Variants in TNS3 observed in about 807,000 individuals in gnomAD.
The protein encoded by TNS3 is tensin-3.
TNS3 carries 45 observed loss-of-function variants against 140.9 expected under a neutral mutation model. That is an observed-to-expected ratio of 0.32 (90% CI 0.25 to 0.41). The LOEUF (loss-of-function observed/expected upper bound fraction) is 0.41. Among genes scored for constraint, TNS3 ranks in the 10% least tolerant of loss-of-function variants. The pLI, the probability that TNS3 is intolerant of heterozygous loss-of-function variation, is 1.00. For missense variants in TNS3, 1,716 were observed against 1,906.7 expected, an observed-to-expected ratio of 0.90 and a Z score of 1.86; for synonymous variants, 815 against 788.4, an observed-to-expected ratio of 1.03 and a Z score of -0.56.
At chr7:47,445,379 T>A (rs1795677891) in intron 4 of TNS3, among the ~76,000 whole-genome samples, 1 of 152,164 alleles carries the variant, frequency 6.6e-6, no homozygotes, top group South Asian at 2.1e-4. Context: ...GGGATGGTGA[T>A]GAGGAAATGA....
chr7:47,446,508 C>G lies in TNS3; in HGVS notation c.-75-4453G>C, dbSNP rs193003319. Among the ~76,000 whole-genome samples the G allele has an allele frequency of 9.3e-3, 1,413 of 152,154 alleles. 14 individuals carry two copies. Among genetic ancestry groups the G allele is most frequent in the Non-Finnish European group, 0.013 (913 of 68,010 alleles). ...GGGTGAAAAAACCCAGACAGCAAAG[C>G]CTCCCACCCAGCCTCTGCCCAGCCC... On this transcript the variant is annotated intron_variant, in intron 4 of 30. Coordinates refer to ENST00000311160, the MANE Select transcript of TNS3 (RefSeq NM_022748.12).
rs1792321595 is a variant in TNS3 at position 47,389,097 on chromosome 7, AGG to A, written c.1024+7701_1024+7702del. Among the ~76,000 whole-genome samples, 8 of 55,688 alleles carry A rather than the reference AGG, an allele frequency of 1.4e-4. 1 individual carries two copies. Among genetic ancestry groups the A allele is most frequent in the African/African-American group, 6.8e-4 (7 of 10,282 alleles). 36.5% of individuals were successfully genotyped at this position (55,688 alleles called of 152,430 possible). ...GAAGAAGAAGAAGAGGAAGAGGAAG[AGG>A]AAGCGGAAGCAGAAGAAGAAGAAGA... is the stretch of plus-strand genomic sequence containing the variant. On this transcript the variant is annotated intron_variant, in intron 16 of 30. Transcript: ENST00000311160.
intron 4 of TNS3, chr7:47,470,742 T>C (rs1179630351): frequency 1.3e-6 from 1 of 752,736 alleles, no homozygotes; most frequent in Admixed American, 6.3e-5. Context: ...TTTTAATCAT[T>C]AGCCAAGGCT....
At position 47,422,632 on chromosome 7, in the gene TNS3, GA is replaced by G. The variant is rs557302027; in HGVS notation, c.473+1468del. 1.1e-3 allele frequency among the ~76,000 whole-genome samples: 125 copies of G among 118,268 alleles called. 1 individual carries two copies. The highest frequency in any genetic ancestry group is 8.5e-3 in the Middle Eastern group (2 of 234). 77.6% of individuals were successfully genotyped at this position (118,268 alleles called of 152,430 possible). ...TGTTTCAAAAAAAGAAAAAAGAAAA[GA>G]AAAAAAAAATGAAGAGATATCTTCC... On this transcript the variant is annotated intron_variant, in intron 10 of 30. Transcript: ENST00000311160.
intron 16 of TNS3, among the ~76,000 whole-genome samples, chr7:47,394,084 T>C (rs1792686508): frequency 6.6e-6 from 1 of 152,144 alleles, no homozygotes; most frequent in African/African-American, 2.4e-5. Context: ...GCATGAAAAA[T>C]ACACCAATGG....
At chr7:47,378,757 A>G (rs1331481033) in intron 16 of TNS3, among the ~76,000 whole-genome samples, 3 of 152,176 alleles carry the variant, frequency 2.0e-5, no homozygotes, top group Non-Finnish European at 4.4e-5. Context: ...GGGGAGGGCT[A>G]AGGGTTTTCT....
At chr7:47,511,088 A>G (rs1019011892) in intron 2 of TNS3, among the ~76,000 whole-genome samples, 18 of 152,370 alleles carry the variant, frequency 1.2e-4, no homozygotes, top group African/African-American at 4.1e-4. Flanking sequence ...TTGGTGTGCA[A>G]GACAGGCCAG....
chr7:47,361,381 C>G (rs1790320696), intron 17 of TNS3, among the ~76,000 whole-genome samples: 1 of 152,016 alleles, frequency 6.6e-6, no homozygotes, highest in African/African-American at 2.4e-5. Flanking sequence ...ATGCTTTCTC[C>G]CGGTCTGCCT....
At chr7:47,311,457 G>T (rs942818896) in intron 20 of TNS3, among the ~76,000 whole-genome samples, 19 of 151,862 alleles carry the variant, frequency 1.3e-4, no homozygotes, top group African/African-American at 4.4e-4. Flanking sequence ...TATATATAGA[G>T]AGAGAGAGAG....
chr7:47,497,619 A>G (rs1172422784), intron 3 of TNS3, among the ~76,000 whole-genome samples: 1 of 151,370 alleles, frequency 6.6e-6, no homozygotes. Context: ...GAGGCCAGGC[A>G]AGAGAAAATA....
intron 15 of TNS3, among the ~76,000 whole-genome samples, chr7:47,397,892 T>C (rs1210197471): frequency 6.6e-6 from 1 of 152,164 alleles, no homozygotes; most frequent in Non-Finnish European, 1.5e-5. Flanking sequence ...AACAAAAAGC[T>C]GGTATTTTGA....
At chr7:47,564,633 C>A (rs1800385980) in intron 1 of TNS3, among the ~76,000 whole-genome samples, 4 of 19,858 alleles carry the variant, frequency 2.0e-4, no homozygotes, top group Non-Finnish European at 2.1e-4. Flanking sequence ...AAGACTCCGT[C>A]TCAAAAAAAA....
At chr7:47,460,933 T>C (rs1417114516) in intron 4 of TNS3, among the ~76,000 whole-genome samples, 1 of 152,214 alleles carries the variant, frequency 6.6e-6, no homozygotes, top group Non-Finnish European at 1.5e-5. Context: ...CCAGAGAGGT[T>C]TTATGTGCAT....
chr7:47,549,452 G>A (rs200736228), intron 1 of TNS3, among the ~76,000 whole-genome samples: 23 of 152,066 alleles, frequency 1.5e-4, no homozygotes, highest in Middle Eastern at 3.4e-3. Context: ...CTGAGATCAC[G>A]CCACTGCACT....
intron 26 of TNS3, among the ~76,000 whole-genome samples, chr7:47,292,570 C>G (rs1167406302): frequency 6.6e-6 from 1 of 152,198 alleles, no homozygotes; most frequent in African/African-American, 2.4e-5. Context: ...TTTTAAACTA[C>G]AGAATCTTTG....
chr7:47,368,976 C>T lies in TNS3; in HGVS notation c.1670G>A (p.Ser557Asn). ...GGGCTGGGGCTGCTTGGGCTCTCGA[C>T]TCCCAAAAGTCCGCTCCCGCTCATA... ...GPYERERTFG[S>N]REPKQPQPLL... Residue 557 changes from serine to asparagine, a missense_variant, in exon 17 of 31, where the codon AGT becomes AAT. Physicochemically the swap from Ser to Asn is conservative, Grantham distance 46 (BLOSUM62 1). Around this residue, in one of 3 missense-constraint regions of TNS3, gnomAD observed 1,163 missense variants for 1,182.1 expected, o/e 0.98. Coordinates refer to ENST00000311160, the MANE Select transcript of TNS3 (RefSeq NM_022748.12). The T allele has an allele frequency of 1.2e-6, 2 of 1,613,922 alleles. No homozygotes were observed. The highest frequency in any genetic ancestry group is 1.7e-6 in the Non-Finnish European group (2 of 1,180,010).
chr7:47,460,275 AG>A (rs1417496988), intron 4 of TNS3, among the ~76,000 whole-genome samples: 1 of 151,140 alleles, frequency 6.6e-6, no homozygotes, highest in African/African-American at 2.4e-5. Context: ...ATAGAGGGGC[AG>A]CCATGTGAGG....
At chr7:47,376,755 A>ACACACACACACACACAC (rs10522516) in intron 16 of TNS3, among the ~76,000 whole-genome samples, 1 of 151,516 alleles carries the variant, frequency 6.6e-6, no homozygotes, top group Non-Finnish European at 1.5e-5. Context: ...ACACACACAC[A>ACACACACACACACACAC]AACTCATATA....
chr7:47,494,496 T>C (rs1008844570), intron 3 of TNS3, among the ~76,000 whole-genome samples: 1 of 152,222 alleles, frequency 6.6e-6, no homozygotes, highest in Non-Finnish European at 1.5e-5. Flanking sequence ...CCACCTCCCC[T>C]GAAAGACACA....
Sources: gnomAD v4.1 joint callset for allele counts (sites outside exome capture counted in the v4.1 genomes callset) on GRCh38, gnomAD v4.1.1 for gene constraint, gnomAD v4.1.1 regional missense constraint, MANE v1.5 for transcripts, NCBI Gene and HGNC (gene_info 2026-07-23, HGNC 2026-07-21) for gene names.